DIAPH2: variants seen among roughly 807,000 people sequenced by gnomAD.
DIAPH2 encodes diaphanous related formin 2, also known as protein diaphanous homolog 2.
In DIAPH2, 35 loss-of-function variants were observed where a neutral mutation model predicts 92.7. That is an observed-to-expected ratio of 0.38 (90% CI 0.29 to 0.50). DIAPH2 has a LOEUF of 0.50. Ranked by LOEUF, DIAPH2 falls within the 20% of genes least tolerant of loss-of-function variation. DIAPH2 has a pLI of 0.94. For missense variants in DIAPH2, 701 were observed against 819.5 expected, an observed-to-expected ratio of 0.86 and a Z score of 1.77; for synonymous variants, 301 against 280.4, an observed-to-expected ratio of 1.07 and a Z score of -0.73.
intron 26 of DIAPH2, among the ~76,000 whole-genome samples, chrX:97,479,486 C>T (rs1414896354): frequency 2.7e-5 from 3 of 112,341 alleles, no homozygotes; most frequent in Non-Finnish European, 5.6e-5. Context: ...ACATCATCAG[C>T]ATTCACTGTG....
rs189701862 is a variant in DIAPH2, at chrX:97,458,267, T to G, written c.3241+28522T>G. Among the ~76,000 whole-genome samples the G allele has an allele frequency of 1.4e-3, 153 of 108,482 alleles. 1 individual carries two copies. The highest frequency in any genetic ancestry group is 4.8e-3 in the African/African-American group (143 of 29,920). The allele number at this position is 108,482 out of a possible 115,157, so 94.2% of individuals were successfully genotyped here. Reference sequence around the variant, plus strand: ...CTTTTTTTCTTGTAATTTTCAGGGGTTTTTTTTCCATTTTCTTTTTCTTTC... The same window carrying G: ...CTTTTTTTCTTGTAATTTTCAGGGGGTTTTTTTCCATTTTCTTTTTCTTTC... On this transcript the variant is annotated intron_variant, in intron 26 of 26. Coordinates refer to ENST00000324765, the MANE Select transcript of DIAPH2 (RefSeq NM_006729.5).
chrX:96,918,876 A>G (rs2065522884), intron 9 of DIAPH2, among the ~76,000 whole-genome samples: 2 of 112,198 alleles, frequency 1.8e-5, no homozygotes, highest in African/African-American at 6.5e-5. Context: ...GGGAAATTGA[A>G]GCCTCAGCAG....
chrX:97,554,353 A>G (rs894204303), intron 26 of DIAPH2, among the ~76,000 whole-genome samples: 1 of 112,364 alleles, frequency 8.9e-6, no homozygotes, highest in Non-Finnish European at 1.9e-5. Context: ...CTTTGTAACT[A>G]TCCTTAAGTT....
At chrX:96,907,745 A>G (rs1045756697) in intron 5 of DIAPH2, among the ~76,000 whole-genome samples, 1 of 112,000 alleles carries the variant, frequency 8.9e-6, no homozygotes, top group Admixed American at 9.5e-5. Flanking sequence ...TTAAACATCT[A>G]CTTACCATAA....
chrX:96,914,257 ATCACTACTAGTACAGATTTTC>A (rs1412996311), intron 7 of DIAPH2, among the ~76,000 whole-genome samples: 1 of 110,934 alleles, frequency 9.0e-6, no homozygotes, highest in Non-Finnish European at 1.9e-5. Flanking sequence ...AAATATTCCC[ATCACTACTAGTACAGATTTTC>A]TCAAAATCTG....
rs776090677 is a variant in DIAPH2 at position 96,712,338 on chromosome X, C to T, written c.133-23420C>T. Among the ~76,000 whole-genome samples, 279 of 110,245 alleles carry T rather than the reference C, an allele frequency of 2.5e-3. 2 individuals are homozygous for T. The highest frequency in any genetic ancestry group is 8.7e-3 in the African/African-American group (263 of 30,349). ...GCTCTACCAGCTTGGCTTTTACTTC[C>T]CCTTTTATAATTTTTCTTAAAAAGA... On this transcript the variant is annotated intron_variant, in intron 1 of 26. Coordinates refer to ENST00000324765, the MANE Select transcript of DIAPH2 (RefSeq NM_006729.5).
In DIAPH2 at chrX:97,578,093, CTTT is replaced by C. The variant is rs201313921; in HGVS notation, c.3242-21145_3242-21143del. ...TCTCTTTGAGAAAACTGTTTTCTTT[CTTT>C]TTTTTTTTTTTTTTAGAACTAAGCA... is the stretch of plus-strand genomic sequence containing the variant. On this transcript the variant is annotated intron_variant, in intron 26 of 26. Transcript: ENST00000324765. Among the ~76,000 whole-genome samples the C allele has an allele frequency of 1.7e-3, 154 of 90,725 alleles. 1 individual carries two copies. Among genetic ancestry groups the C allele is most frequent in the Middle Eastern group, 5.5e-3 (1 of 181 alleles). 78.8% of individuals were successfully genotyped at this position (90,725 alleles called of 115,157 possible).
At chrX:97,096,939 C>G (rs1003103562) in intron 19 of DIAPH2, among the ~76,000 whole-genome samples, 4 of 111,237 alleles carry the variant, frequency 3.6e-5, no homozygotes, top group African/African-American at 1.3e-4. Flanking sequence ...CCCCCTTAGT[C>G]CACTACACAA....
chrX:96,848,044 TA>T (rs1212884628), intron 4 of DIAPH2, among the ~76,000 whole-genome samples: 9 of 109,972 alleles, frequency 8.2e-5, no homozygotes, highest in Non-Finnish European at 1.5e-4. Flanking sequence ...AAATTATTAT[TA>T]TTATTTTTTT....
intron 4 of DIAPH2, among the ~76,000 whole-genome samples, chrX:96,804,396 C>T (rs138423798): frequency 3.6e-4 from 40 of 111,927 alleles, no homozygotes; most frequent in Non-Finnish European, 7.1e-4. Flanking sequence ...AAAGTCCCAA[C>T]ATTCCCCATT....
At chrX:96,900,685 G>T (rs757189769) in intron 5 of DIAPH2, among the ~76,000 whole-genome samples, 1 of 111,541 alleles carries the variant, frequency 9.0e-6, no homozygotes, top group African/African-American at 3.3e-5. Context: ...TTTATCAAAT[G>T]CTCTTTCTGC....
intron 1 of DIAPH2, among the ~76,000 whole-genome samples, chrX:96,696,425 G>A (rs2063825807): frequency 8.9e-6 from 1 of 112,039 alleles, no homozygotes; most frequent in African/African-American, 3.2e-5. Context: ...CATACTGGGA[G>A]TCAAAGTTTA....
At chrX:96,742,438 A>G (rs750938802) in intron 3 of DIAPH2, among the ~76,000 whole-genome samples, 6 of 111,439 alleles carry the variant, frequency 5.4e-5, no homozygotes, top group Admixed American at 4.8e-4. Flanking sequence ...TATGAACATC[A>G]TGTCACTTGG....
intron 12 of DIAPH2, among the ~76,000 whole-genome samples, chrX:96,940,022 C>T (rs996845097): frequency 1.8e-5 from 2 of 109,335 alleles, no homozygotes; most frequent in Non-Finnish European, 3.8e-5. Context: ...GACAGATGCA[C>T]TTGTAAAAAT....
intron 26 of DIAPH2, among the ~76,000 whole-genome samples, chrX:97,593,539 CAT>C (rs750440075): frequency 6.9e-4 from 76 of 109,575 alleles, no homozygotes; most frequent in Middle Eastern, 4.8e-3. Flanking sequence ...ATGTTTGTCA[CAT>C]GTCTCTGGCT....
intron 4 of DIAPH2, among the ~76,000 whole-genome samples, chrX:96,809,139 A>G (rs1025115911): frequency 1.8e-5 from 2 of 111,248 alleles, no homozygotes; most frequent in African/African-American, 6.5e-5. Flanking sequence ...TAAACAAGAT[A>G]TCTCTCTCTC....
rs2064201218 is a variant in DIAPH2, at chrX:96,752,693, T to C, written c.343-5461T>C. The stretch of plus-strand genomic sequence containing the variant: ...GAGAGGATGGTAAAGATGACCACAT[T>C]TCAGGCAGGGAGAACAGCGCATCAT... On this transcript the variant is annotated intron_variant, in intron 3 of 26. Transcript: ENST00000324765. Among the ~76,000 whole-genome samples, 3 of 111,689 alleles carry C rather than the reference T, an allele frequency of 2.7e-5. No individual in the cohort carries two copies. The Admixed American group carries it at 2.9e-4, about 11-fold the overall frequency.
At chrX:97,337,704 G>A (rs2069076885) in intron 23 of DIAPH2, among the ~76,000 whole-genome samples, 4 of 110,473 alleles carry the variant, frequency 3.6e-5, no homozygotes, top group Admixed American at 2.9e-4. Flanking sequence ...AGGTGTAAAA[G>A]TGAGGTGACT....
intron 15 of DIAPH2, among the ~76,000 whole-genome samples, chrX:96,955,086 G>C (rs1248620076): frequency 4.5e-5 from 5 of 112,176 alleles, no homozygotes; most frequent in African/African-American, 1.6e-4. Flanking sequence ...TTCTCACACT[G>C]CTATGAAGAA....
Sources: gnomAD v4.1 joint callset for allele counts (sites outside exome capture counted in the v4.1 genomes callset) on GRCh38, gnomAD v4.1.1 for gene constraint, MANE v1.5 for transcripts, NCBI Gene and HGNC (gene_info 2026-07-23, HGNC 2026-07-21) for gene names.